The following MAK variants were observed in gnomAD, a reference collection of about 807,000 sequenced individuals.
MAK encodes serine/threonine-protein kinase MAK.
MAK carries 65 observed loss-of-function variants against 82.6 expected under a neutral mutation model. The ratio of observed to expected loss-of-function variants is 0.79; its 90% CI spans 0.64 to 0.97. The LOEUF (loss-of-function observed/expected upper bound fraction) is 0.97, where lower values mean the gene tolerates loss of function less well. Ranked by LOEUF, MAK falls within the 50% of genes least tolerant of loss-of-function variation. The probability of loss-of-function intolerance (pLI) is 0.00; values close to 1 mark genes in which losing one functional copy is unlikely to be tolerated. For missense variants in MAK, 703 were observed against 780.2 expected (o/e 0.90, Z 1.18); for synonymous variants, 250 against 274.2 (o/e 0.91, Z 0.87).
chr6:10,794,158 A>G (rs1775315439), intron 9 of MAK, among the ~76,000 whole-genome samples: 1 of 152,224 alleles, frequency 6.6e-6, no homozygotes, highest in Non-Finnish European at 1.5e-5. Flanking sequence ...ATTAAAAGCT[A>G]GAAAACCAGA....
At chr6:10,821,379 G>A (rs1041884945) in intron 2 of MAK, among the ~76,000 whole-genome samples, 4 of 152,138 alleles carry the variant, frequency 2.6e-5, no homozygotes, top group African/African-American at 7.2e-5. Flanking sequence ...AGGTTCAAGC[G>A]ATTCTCCTAC....
At chr6:10,767,763 G>A (rs1772581112) in intron 14 of MAK, among the ~76,000 whole-genome samples, 1 of 151,068 alleles carries the variant, frequency 6.6e-6, no homozygotes, top group Non-Finnish European at 1.5e-5. Flanking sequence ...CTGCACTCCA[G>A]GCTGGTGACA....
intron 6 of MAK, among the ~76,000 whole-genome samples, chr6:10,805,080 G>T (rs1291859104): frequency 1.2e-5 from 1 of 82,104 alleles, no homozygotes; most frequent in Non-Finnish European, 2.6e-5. Flanking sequence ...CGGGGGGGGG[G>T]TGGGGAGGGG....
chr6:10,784,180 T>G (rs778213642), intron 11 of MAK, among the ~76,000 whole-genome samples: 35 of 152,032 alleles, frequency 2.3e-4, no homozygotes, highest in African/African-American at 7.5e-4. Flanking sequence ...GGGGTGGGGG[T>G]TGGTGTTTTC....
intron 2 of MAK, 42 bp downstream of exon 2, chr6:10,830,506 C>T (rs1007329074): frequency 6.8e-7 from 1 of 1,473,374 alleles, no homozygotes; most frequent in South Asian, 1.1e-5. Flanking sequence ...AAATAAAGAG[C>T]AGAGTTTTCA....
intron 14 of MAK, among the ~76,000 whole-genome samples, chr6:10,768,888 G>A (rs1034935110): frequency 1.1e-4 from 16 of 152,174 alleles, no homozygotes; most frequent in African/African-American, 3.6e-4. Context: ...AGGATAGGCT[G>A]TGAGCACACT....
At chr6:10,768,301 G>C (rs570921180) in intron 14 of MAK, among the ~76,000 whole-genome samples, 1 of 152,282 alleles carries the variant, frequency 6.6e-6, no homozygotes, top group South Asian at 2.1e-4. Flanking sequence ...ATGTGGCCGG[G>C]TGCAGTGGTT....
chr6:10,783,817 G>A (rs540710425), intron 11 of MAK, among the ~76,000 whole-genome samples: 3 of 152,276 alleles, frequency 2.0e-5, no homozygotes, highest in Non-Finnish European at 4.4e-5. Context: ...TCAGGAGATC[G>A]AGACCATCCC....
intron 14 of MAK, among the ~76,000 whole-genome samples, chr6:10,767,394 T>C (rs1481072838): frequency 2.0e-5 from 3 of 152,158 alleles, no homozygotes; most frequent in Non-Finnish European, 4.4e-5. Flanking sequence ...TAAAGGGTGC[T>C]GTGTAGAACA....
At chr6:10,820,940 ATTC>A in intron 2 of MAK, among the ~76,000 whole-genome samples, 1 of 152,052 alleles carries the variant, frequency 6.6e-6, no homozygotes, top group Non-Finnish European at 1.5e-5. Context: ...ATCTGCTATG[ATTC>A]TTTTTATTTA....
chr6:10,802,519 T>G (rs1776101073), intron 7 of MAK: 1 of 159,148 alleles, frequency 6.3e-6, no homozygotes, highest in African/African-American at 2.4e-5. Context: ...CAGGCTGGTC[T>G]TGAACTCCTG....
intron 1 of MAK, among the ~76,000 whole-genome samples, chr6:10,831,890 A>G (rs1219322343): frequency 6.6e-6 from 1 of 152,206 alleles, no homozygotes; most frequent in Admixed American, 6.5e-5. Flanking sequence ...TTGAGATGGA[A>G]TCTACTTCTG....
At chr6:10,794,233 C>T (rs1775320893) in intron 9 of MAK, among the ~76,000 whole-genome samples, 1 of 152,138 alleles carries the variant, frequency 6.6e-6, no homozygotes, top group Non-Finnish European at 1.5e-5. Flanking sequence ...AAAGTGGACT[C>T]CCCAGGACCC....
chr6:10,766,168 T>C (rs1220380727), intron 14 of MAK, among the ~76,000 whole-genome samples: 1 of 151,854 alleles, frequency 6.6e-6, no homozygotes, highest in Admixed American at 6.6e-5. Context: ...TGGATTAAAC[T>C]CTAAGTGTTA....
chr6:10,808,515 CTTTTT>C (rs966432084), intron 6 of MAK, among the ~76,000 whole-genome samples: 29 of 152,006 alleles, frequency 1.9e-4, no homozygotes, highest in African/African-American at 6.5e-4. Flanking sequence ...TTTTTCTTTT[CTTTTT>C]TTATTTCACT....
chr6:10,804,503 C>G (rs527375237), intron 6 of MAK, among the ~76,000 whole-genome samples: 2 of 152,286 alleles, frequency 1.3e-5, no homozygotes, highest in African/African-American at 4.8e-5. Flanking sequence ...CCACCATGCC[C>G]AGCTAATTTT....
chr6:10,809,451 A>G (rs1353558859), intron 5 of MAK, among the ~76,000 whole-genome samples: 1 of 152,064 alleles, frequency 6.6e-6, no homozygotes, highest in Non-Finnish European at 1.5e-5. Flanking sequence ...TCGGCCCACT[A>G]AGTAGCTGGG....
chr6:10,826,336 A>G (rs901448740), intron 2 of MAK, among the ~76,000 whole-genome samples: 1 of 146,086 alleles, frequency 6.8e-6, no homozygotes, highest in Non-Finnish European at 1.5e-5. Flanking sequence ...TGGCTTATCT[A>G]GGCTCCCACA....
chr6:10,768,559 C>G (rs1482674925), intron 14 of MAK, among the ~76,000 whole-genome samples: 1 of 151,990 alleles, frequency 6.6e-6, no homozygotes, highest in African/African-American at 2.4e-5. Context: ...CCAGCCTGGG[C>G]AACAGAGCAA....
Sources: gnomAD v4.1 joint callset for allele counts (sites outside exome capture counted in the v4.1 genomes callset) on GRCh38, gnomAD v4.1.1 for gene constraint, MANE v1.5 for transcripts, NCBI Gene and HGNC (gene_info 2026-07-23, HGNC 2026-07-21) for gene names.